DSCAM: variants seen among roughly 807,000 people sequenced by gnomAD.
DSCAM encodes DS cell adhesion molecule, also known as cell adhesion molecule DSCAM.
A neutral mutation model predicts 217.7 loss-of-function variants in DSCAM; 47 were observed. The ratio of observed to expected loss-of-function variants is 0.22; its 90% CI spans 0.17 to 0.28. DSCAM has a LOEUF of 0.28. Among genes scored for constraint, DSCAM ranks in the 10% least tolerant of loss-of-function variants. The pLI is 1.00. For missense variants in DSCAM, 2,080 were observed against 2,618.3 expected, an observed-to-expected ratio of 0.79 and a Z score of 4.49; for synonymous variants, 1,056 against 1,015.3, an observed-to-expected ratio of 1.04 and a Z score of -0.76.
intron 8 of DSCAM, among the ~76,000 whole-genome samples, chr21:40,333,107 G>A (rs1362157891): frequency 6.6e-6 from 1 of 152,122 alleles, no homozygotes; most frequent in African/African-American, 2.4e-5. Flanking sequence ...TATTCACTGT[G>A]TGGTCTCCCA....
chr21:40,175,744 G>A (rs1423396318), intron 15 of DSCAM, among the ~76,000 whole-genome samples: 3 of 150,140 alleles, frequency 2.0e-5, no homozygotes, highest in African/African-American at 7.4e-5. Context: ...ATTTCACTGT[G>A]GGTTTAATCC....
At position 40,490,392 on chromosome 21, in the gene DSCAM, C is replaced by A. The variant is rs144691955; in HGVS notation, c.509-121147G>T. ...AATTGGATTCTAGACATTTTAATTT[C>A]TTTTACTTACTATGTAGGTTCACAC... On this transcript the variant is annotated intron_variant, in intron 3 of 32. Coordinates refer to ENST00000400454, the MANE Select transcript of DSCAM (RefSeq NM_001389.5). Among the ~76,000 whole-genome samples, 1,117 of 152,138 alleles carry A rather than the reference C, an allele frequency of 7.3e-3. 13 individuals are homozygous for A. The highest frequency in any genetic ancestry group is 0.026 in the African/African-American group (1,059 of 41,478).
At chr21:40,521,651 CAT>C (rs541751598) in intron 3 of DSCAM, among the ~76,000 whole-genome samples, 411 of 152,098 alleles carry the variant, frequency 2.7e-3, no homozygotes, top group Non-Finnish European at 4.6e-3. Context: ...CGTTTTCACT[CAT>C]ATGTGAAATC....
chr21:40,529,337 G>T (rs897590588), intron 3 of DSCAM, among the ~76,000 whole-genome samples: 1 of 152,164 alleles, frequency 6.6e-6, no homozygotes, highest in Non-Finnish European at 1.5e-5. Context: ...GGTTTTACAT[G>T]TTACTATTAC....
intron 3 of DSCAM, among the ~76,000 whole-genome samples, chr21:40,634,366 G>A (rs780419473): frequency 1.1e-4 from 17 of 152,150 alleles, no homozygotes; most frequent in Non-Finnish European, 1.2e-4. Flanking sequence ...ACTTTGTGAC[G>A]GAACCGTGTT....
chr21:40,764,378 T>G (rs1229608501), intron 1 of DSCAM, among the ~76,000 whole-genome samples: 2 of 148,342 alleles, frequency 1.3e-5, no homozygotes, highest in Non-Finnish European at 3.0e-5. Flanking sequence ...ATTAGAGAAA[T>G]GCAAATCAAA....
chr21:40,042,460 G>A lies in DSCAM; in HGVS notation c.5597C>T (p.Ser1866Leu), dbSNP rs1403456908. 1.9e-6 allele frequency: 3 copies of A among 1,614,050 alleles called. No homozygotes were observed. The highest frequency in any genetic ancestry group is 1.3e-5 in the African/African-American group (1 of 74,918). ...AGATGCAGTGAACCTGCAGATTCCC[G>A]ATTCGGAAGGGGTGCTGGAGGTCAG... ...DSLTSSTPSE[S>L]GICRFTASPP... The change falls in exon 32 of 33, where the codon TCG becomes TTG. Residue 1866 changes from serine to leucine, a missense_variant. Ser to Leu is a moderately radical substitution (Grantham distance 145). Transcript: ENST00000400454.
chr21:40,339,492 C>G, intron 6 of DSCAM, 77 bp from the exon 7 acceptor site: 1 of 1,370,320 alleles, frequency 7.3e-7, no homozygotes, highest in Non-Finnish European at 9.8e-7. Context: ...TCTTTCATGT[C>G]TAGGGGGTAA....
At chr21:40,793,083 T>C (rs1439848310) in intron 1 of DSCAM, among the ~76,000 whole-genome samples, 1 of 152,224 alleles carries the variant, frequency 6.6e-6, no homozygotes, top group Non-Finnish European at 1.5e-5. Context: ...AAGAACTCAT[T>C]TCTGCAGACT....
chr21:40,297,021 T>C (rs986251661), intron 9 of DSCAM, among the ~76,000 whole-genome samples: 2 of 152,126 alleles, frequency 1.3e-5, no homozygotes, highest in African/African-American at 4.8e-5. Flanking sequence ...AATGTGGGAC[T>C]GAACTTTTCC....
chr21:40,667,684 C>T (rs926708581), intron 3 of DSCAM, among the ~76,000 whole-genome samples: 1 of 152,102 alleles, frequency 6.6e-6, no homozygotes, highest in African/African-American at 2.4e-5. Flanking sequence ...CTCATGATAA[C>T]TGATGGTTTT....
At chr21:40,714,794 G>A (rs1382921106) in intron 1 of DSCAM, among the ~76,000 whole-genome samples, 1 of 152,190 alleles carries the variant, frequency 6.6e-6, no homozygotes, top group Non-Finnish European at 1.5e-5. Flanking sequence ...TTGTATGTTA[G>A]AAGTTTCAGG....
chr21:40,637,130 A>AATATATAAATATATATATAAATATATAT (rs1480798563), intron 3 of DSCAM, among the ~76,000 whole-genome samples: 15 of 53,392 alleles, frequency 2.8e-4, no homozygotes, highest in Non-Finnish European at 4.0e-4. Context: ...TATATATATA[A>AATATATAAATATATATATAAATATATAT]ATATATAAAT....
intron 3 of DSCAM, among the ~76,000 whole-genome samples, chr21:40,508,761 ATATATATATATATATATATATATTTTT>A (rs1299674706): frequency 0.013 from 68 of 5,242 alleles, 3 homozygotes; most frequent in African/African-American, 0.038. Flanking sequence ...ATATATATAT[ATATATATATATATATATATATATTTTT>A]TTTTTTTTTT....
At chr21:40,432,215 T>A (rs1217005431) in intron 3 of DSCAM, among the ~76,000 whole-genome samples, 3 of 150,542 alleles carry the variant, frequency 2.0e-5, no homozygotes, top group Non-Finnish European at 3.0e-5. Flanking sequence ...TAATAAAAAA[T>A]AAATATATAA....
At chr21:40,559,180 C>T (rs1009441370) in intron 3 of DSCAM, among the ~76,000 whole-genome samples, 2 of 103,368 alleles carry the variant, frequency 1.9e-5, no homozygotes, top group East Asian at 3.1e-4. Flanking sequence ...TAAAGTAGGC[C>T]GGGCACGGTG....
chr21:40,466,136 A>C (rs2075843356), intron 3 of DSCAM, among the ~76,000 whole-genome samples: 1 of 152,210 alleles, frequency 6.6e-6, no homozygotes, highest in South Asian at 2.1e-4. Flanking sequence ...TTCATTGCTT[A>C]TGAACAACTA....
At position 40,656,999 on chromosome 21, in the gene DSCAM, C is replaced by G. The variant is rs564737599; in HGVS notation, c.508+35811G>C. Among the ~76,000 whole-genome samples the G allele has an allele frequency of 6.8e-4, 103 of 152,302 alleles. 3 individuals are homozygous for G. In the South Asian group the frequency reaches 0.021, roughly 31 times the overall value. ...GTATGGGACTTGAACCATAGTATGTCTATCAAAAATATTTTTTAAAAATCA... is the reference window on the plus strand; with the variant it reads ...GTATGGGACTTGAACCATAGTATGTGTATCAAAAATATTTTTTAAAAATCA... On this transcript the variant is annotated intron_variant, in intron 3 of 32. Transcript: ENST00000400454.
chr21:40,015,944 T>C (rs1374842133), intron 32 of DSCAM, among the ~76,000 whole-genome samples: 3 of 152,182 alleles, frequency 2.0e-5, no homozygotes, highest in Non-Finnish European at 2.9e-5. Flanking sequence ...CTTCCCACTT[T>C]TTGAGGAACA....
Sources: allele counts gnomAD v4.1 joint callset (sites outside exome capture counted in the v4.1 genomes callset), GRCh38; gene constraint gnomAD v4.1.1; transcripts MANE v1.5; gene names NCBI Gene and HGNC (gene_info 2026-07-23, HGNC 2026-07-21).